The following XDH variants were observed in gnomAD, a reference collection of about 807,000 sequenced individuals.
XDH encodes xanthine dehydrogenase/oxidase.
Under a neutral mutation model 156.1 loss-of-function variants are expected in XDH, and 138 were observed. The observed-to-expected ratio is 0.88, with a 90% CI of 0.77 to 1.02. XDH has a LOEUF of 1.02. Among genes scored for constraint, XDH ranks in the 50% least tolerant of loss-of-function variants. The pLI is 0.00. For synonymous variants in XDH, 669 were observed against 625.7 expected, an observed-to-expected ratio of 1.07 and a Z score of -1.03; for missense variants, 1,849 against 1,684.9, an observed-to-expected ratio of 1.10 and a Z score of -1.71.
At chr2:31,404,943 G>T (rs904937446) in intron 2 of XDH, among the ~76,000 whole-genome samples, 2 of 152,212 alleles carry the variant, frequency 1.3e-5, no homozygotes, top group South Asian at 4.1e-4. Flanking sequence ...TCACTGGAAA[G>T]ACCCACTAGA....
At chr2:31,407,093 C>T (rs945015258) in intron 1 of XDH, among the ~76,000 whole-genome samples, 3 of 152,136 alleles carry the variant, frequency 2.0e-5, no homozygotes, top group East Asian at 1.9e-4. Flanking sequence ...ATAAGGTTTT[C>T]GTTGGAGGGA....
rs752149804 is a variant in XDH, at chr2:31,344,757, T to TCAGGC, written c.3352-26_3352-22dup. 4.2e-5 allele frequency: 67 copies of TCAGGC among 1,613,966 alleles called. 3 individuals are homozygous for TCAGGC. In the South Asian group the frequency reaches 6.4e-4, roughly 15 times the overall value. Reference sequence around the variant, plus strand: ...GTGACCTGAGGAGAGGAGATGGCCATCAGGCAGGTGAAGTGAGGTTTTCAG... The same window carrying TCAGGC: ...GTGACCTGAGGAGAGGAGATGGCCATCAGGCCAGGCAGGTGAAGTGAGGTTTTCAG... On this transcript the variant is annotated intron_variant, in intron 30 of 35. Coordinates refer to ENST00000379416, the MANE Select transcript of XDH (RefSeq NM_000379.4).
Position 31,342,252 on chromosome 2 carries a change from G to T in XDH, c.3450C>A (p.Pro1150=), listed in dbSNP as rs778658831. 3.7e-6 allele frequency: 6 copies of T among 1,614,148 alleles called. No homozygotes were observed. Among genetic ancestry groups the T allele is most frequent in the Admixed American group, 1.7e-5 (1 of 60,022 alleles). ...GYSFETNSGN[P]FHYFSYGVAC... ...CCACCCCATAGCTGAAGTAGTGGAA[G>T]GGGTTCCCTGAGTTAGTCTCAAAGC... The change falls in exon 32 of 36, where the codon CCC becomes CCA. Residue 1150 remains proline, a synonymous_variant. Coordinates refer to ENST00000379416, the MANE Select transcript of XDH (RefSeq NM_000379.4).
chr2:31,355,794 G>A (rs1685607660), intron 24 of XDH, among the ~76,000 whole-genome samples: 1 of 152,126 alleles, frequency 6.6e-6, no homozygotes, highest in African/African-American at 2.4e-5. Context: ...ATTATATGAT[G>A]TATAAATTGT....
In XDH at chr2:31,401,245, G is replaced by A; in HGVS notation, c.281C>T (p.Thr94Ile). The A allele has an allele frequency of 1.2e-6, 2 of 1,614,176 alleles. No homozygotes were observed. Among genetic ancestry groups the A allele is most frequent in the Non-Finnish European group, 1.7e-6 (2 of 1,180,026 alleles). Residue 94 changes from threonine to isoleucine, a missense_variant, in exon 4 of 36, where the codon ACC becomes ATC. Physicochemically the swap from Thr to Ile is moderately conservative, Grantham distance 89. Coordinates refer to ENST00000379416, the MANE Select transcript of XDH (RefSeq NM_000379.4). Reference protein sequence around the residue: ...AVTTVEGIGSTKTRLHPVQER... With the variant: ...AVTTVEGIGSIKTRLHPVQER... Reference sequence around the variant, plus strand: ...CTGCACAGGATGCAGCCTCGTCTTGGTGCTTCCTATTCCTTCCACAGTTGT... The same window carrying A: ...CTGCACAGGATGCAGCCTCGTCTTGATGCTTCCTATTCCTTCCACAGTTGT...
chr2:31,353,100 G>A (rs1364858659), intron 24 of XDH, among the ~76,000 whole-genome samples: 3 of 150,300 alleles, frequency 2.0e-5, no homozygotes, highest in Non-Finnish European at 4.4e-5. Context: ...TTAAAAAACT[G>A]TAAAAAGTGG....
Position 31,366,963 on chromosome 2 carries a change from G to A in XDH, c.2229C>T (p.Phe743=), listed in dbSNP as rs1200577346. The change falls in exon 21 of 36, where the codon TTC becomes TTT. Residue 743 remains phenylalanine (F), a synonymous_variant. Transcript: ENST00000379416. ...CAATGGTGCAGTGAGTCTCCAGGTAGAAGTGCTCTTGGCCACCGATGTATA... is the reference window on the plus strand; with the variant it reads ...CAATGGTGCAGTGAGTCTCCAGGTAAAAGTGCTCTTGGCCACCGATGTATA... ...GEIYIGGQEH[F]YLETHCTIAV... The A allele has an allele frequency of 6.2e-7, 1 of 1,614,132 alleles. No homozygotes were observed. The highest frequency in any genetic ancestry group is 8.5e-7 in the Non-Finnish European group (1 of 1,179,942).
At chr2:31,374,215 A>G (rs1686162503) in intron 15 of XDH, among the ~76,000 whole-genome samples, 1 of 151,134 alleles carries the variant, frequency 6.6e-6, no homozygotes, top group African/African-American at 2.4e-5. Flanking sequence ...AACACCCCAA[A>G]CTCTTTCCCT....
intron 4 of XDH, among the ~76,000 whole-genome samples, chr2:31,399,537 AG>A (rs1558314344): frequency 6.6e-6 from 1 of 152,220 alleles, no homozygotes; most frequent in Non-Finnish European, 1.5e-5. Flanking sequence ...ACCATTGGAT[AG>A]GGAGGATTTT....
At chr2:31,389,916 CCAA>C (rs1484759770) in intron 6 of XDH, among the ~76,000 whole-genome samples, 1 of 151,990 alleles carries the variant, frequency 6.6e-6, no homozygotes, top group Admixed American at 6.6e-5. Flanking sequence ...TAGAGAATTC[CCAA>C]ATACCCCTAT....
intron 9 of XDH, chr2:31,384,118 TA>T (rs1221154242): frequency 3.1e-5 from 5 of 163,364 alleles, no homozygotes; most frequent in African/African-American, 1.1e-4. Context: ...GAATTCACTC[TA>T]GTGTGTGTGT....
At position 31,401,239 on chromosome 2, in the gene XDH, G is replaced by A. The variant is rs374226297; in HGVS notation, c.287C>T (p.Thr96Met). ...TTVEGIGSTK[T>M]RLHPVQERIA... ...GTTTACCTGCACAGGATGCAGCCTCGTCTTGGTGCTTCCTATTCCTTCCAC... is the reference window on the plus strand; with the variant it reads ...GTTTACCTGCACAGGATGCAGCCTCATCTTGGTGCTTCCTATTCCTTCCAC... The change falls in exon 4 of 36, where the codon ACG becomes ATG. Residue 96 changes from threonine (T) to methionine (M), a missense_variant. Transcript: ENST00000379416. 38 of 1,614,066 alleles carry A rather than the reference G, an allele frequency of 2.4e-5. No individual in the cohort carries two copies. The highest frequency in any genetic ancestry group is 3.1e-5 in the Non-Finnish European group (36 of 1,180,028).
intron 19 of XDH, 150 bp from the exon 20 acceptor site, chr2:31,368,207 C>G (rs570028249): frequency 1.3e-6 from 1 of 796,864 alleles, no homozygotes; most frequent in Non-Finnish European, 2.1e-6. Context: ...TTGAAGTAAG[C>G]TCTACTATAG....
At chr2:31,339,699 CAGTT>C (rs773459648) in intron 33 of XDH, 22 bp from the exon 34 acceptor site, 1 of 1,613,050 alleles carries the variant, frequency 6.2e-7, no homozygotes, top group East Asian at 2.2e-5. Flanking sequence ...ATGGAGAGCA[CAGTT>C]AGCCTGCCAC....
intron 5 of XDH, 109 bp from the exon 6 acceptor site, chr2:31,397,838 A>G: frequency 8.0e-7 from 1 of 1,255,342 alleles, no homozygotes. Flanking sequence ...CAGGCTGCAT[A>G]TTCTGTTACC....
At chr2:31,410,100 C>T (rs1476364517) in intron 1 of XDH, among the ~76,000 whole-genome samples, 1 of 152,120 alleles carries the variant, frequency 6.6e-6, no homozygotes, top group Non-Finnish European at 1.5e-5. Context: ...CATAGGTGAA[C>T]ATTATGCTAA....
chr2:31,364,012 C>T (rs970700572), intron 24 of XDH, 146 bp downstream of exon 24: 6 of 703,168 alleles, frequency 8.5e-6, no homozygotes, highest in African/African-American at 5.2e-5. Flanking sequence ...AGAGATTAAT[C>T]GAGGATGGGA....
intron 14 of XDH, among the ~76,000 whole-genome samples, chr2:31,376,755 CAT>C (rs1686255145): frequency 6.9e-6 from 1 of 144,658 alleles, no homozygotes; most frequent in Admixed American, 6.9e-5. Flanking sequence ...TAGTAGCAAT[CAT>C]AATATTAATT....
chr2:31,364,098 G>A (rs563902177), intron 24 of XDH, 60 bp downstream of exon 24: 2 of 1,549,090 alleles, frequency 1.3e-6, no homozygotes, highest in South Asian at 1.1e-5. Context: ...GTGCCTGCGT[G>A]GGAACAGGCT....
Sources: allele counts gnomAD v4.1 joint callset (sites outside exome capture counted in the v4.1 genomes callset), GRCh38; gene constraint gnomAD v4.1.1; transcripts MANE v1.5; gene names NCBI Gene and HGNC (gene_info 2026-07-23, HGNC 2026-07-21).